Variants in PLCH2 observed in about 807,000 individuals in gnomAD.
The protein encoded by PLCH2 is phospholipase C eta 2, also known as 1-phosphatidylinositol 4,5-bisphosphate phosphodiesterase eta-2.
A neutral mutation model predicts 134.7 loss-of-function variants in PLCH2; 98 were observed. That is an observed-to-expected ratio of 0.73 (90% CI 0.62 to 0.86). The LOEUF (loss-of-function observed/expected upper bound fraction) is 0.86, where lower values mean the gene tolerates loss of function less well. Among genes scored for constraint, PLCH2 ranks in the 40% least tolerant of loss-of-function variants. PLCH2 has a pLI of 0.00. For missense variants in PLCH2, 1,994 were observed against 1,986.6 expected (o/e 1.00, Z -0.07); for synonymous variants, 974 against 827.5 (o/e 1.18, Z -3.04).
Position 2,458,652 on chromosome 1 carries a change from C to T in PLCH2, c.116-19824C>T, listed in dbSNP as rs116319775. ...CTGGAGCAGCCAGTGGCTGAGTGGCCGGAGGAGATGCCTGAGGAGGCTCTG... is the reference window on the plus strand; with the variant it reads ...CTGGAGCAGCCAGTGGCTGAGTGGCTGGAGGAGATGCCTGAGGAGGCTCTG... On this transcript the variant is annotated intron_variant, in intron 2 of 3. Coordinates refer to the PLCH2 transcript ENST00000609981. Among the ~76,000 whole-genome samples the T allele has an allele frequency of 1.4e-3, 207 of 152,054 alleles. 1 individual carries two copies. Among genetic ancestry groups the T allele is most frequent in the African/African-American group, 4.8e-3 (198 of 41,458 alleles).
upstream of PLCH2, among the ~76,000 whole-genome samples, chr1:2,463,455 G>C (rs1051544425): frequency 6.6e-6 from 1 of 152,224 alleles, no homozygotes; most frequent in Admixed American, 6.5e-5. Flanking sequence ...TGCTGAACGG[G>C]GCTGCAGCCG....
Position 2,505,180 on chromosome 1 carries a change from G to A in PLCH2, c.4218G>A (p.Ala1406=), listed in dbSNP as rs779257097. ...PSKGALGPAS[A]AAENLVLLRL ...AGGGAGCCCTCGGGCCAGCATCCGCGGCTGCTGAAAACCTGGTCCTGCTCC... is the reference window on the plus strand; with the variant it reads ...AGGGAGCCCTCGGGCCAGCATCCGCAGCTGCTGAAAACCTGGTCCTGCTCC... The change falls in exon 22 of 22, where the codon GCG becomes GCA. Residue 1406 remains alanine (A), a synonymous_variant. Transcript: ENST00000378486. 8.9e-6 allele frequency: 14 copies of A among 1,572,146 alleles called. No homozygotes were observed. Among genetic ancestry groups the A allele is most frequent in the Admixed American group, 7.0e-5 (4 of 57,132 alleles).
chr1:2,466,751 T>C (rs1227048608), upstream of PLCH2, among the ~76,000 whole-genome samples: 1 of 152,234 alleles, frequency 6.6e-6, no homozygotes, highest in East Asian at 1.9e-4. Flanking sequence ...GTCCCTCAGA[T>C]GCTGGGAGCA....
At chr1:2,419,534 G>T in the PLCH2 span, among the ~76,000 whole-genome samples, 1 of 152,148 alleles carries the variant, frequency 6.6e-6, no homozygotes, top group Non-Finnish European at 1.5e-5. Context: ...TGGCAGTGGG[G>T]TGCAGGGTCT....
At chr1:2,449,989 A>G (rs1023384018) in intron 2 of PLCH2, among the ~76,000 whole-genome samples, 3 of 152,226 alleles carry the variant, frequency 2.0e-5, no homozygotes, top group African/African-American at 4.8e-5. Flanking sequence ...CGCCAAGCTC[A>G]GCCCTGGGGA....
At chr1:2,469,869 GT>G (rs1313828243) in intron 1 of PLCH2, among the ~76,000 whole-genome samples, 1 of 152,240 alleles carries the variant, frequency 6.6e-6, no homozygotes, top group Admixed American at 6.5e-5. Flanking sequence ...ACTCACCGTG[GT>G]GGCCGCAGGC....
At chr1:2,483,134 G>A (rs1642067113) in intron 4 of PLCH2, among the ~76,000 whole-genome samples, 1 of 152,166 alleles carries the variant, frequency 6.6e-6, no homozygotes, top group African/African-American at 2.4e-5. Context: ...TCGACTTTTG[G>A]AGGTATTTCC....
intron 18 of PLCH2, 45 bp from the exon 19 acceptor site, chr1:2,499,039 C>T (rs1207617118): frequency 6.3e-7 from 1 of 1,582,140 alleles, no homozygotes; most frequent in Non-Finnish European, 8.6e-7. Flanking sequence ...CGGTGCTGGG[C>T]CGGGCCCTCC....
chr1:2,471,057 G>A lies in PLCH2; in HGVS notation c.43+3395G>A, dbSNP rs977279800. Among the ~76,000 whole-genome samples the A allele has an allele frequency of 4.1e-5, 6 of 147,078 alleles. No individual in the cohort carries two copies. In the South Asian group the frequency reaches 6.8e-4, roughly 17 times the overall value. ...GGGACACACAATGGGGGGGGCACTCGCGGTGGGGGGAGGAAGCTGTGAAAT... is the reference window on the plus strand; with the variant it reads ...GGGACACACAATGGGGGGGGCACTCACGGTGGGGGGAGGAAGCTGTGAAAT... On this transcript the variant is annotated intron_variant, in intron 1 of 21. Coordinates refer to the PLCH2 transcript ENST00000449969.
Position 2,484,493 on chromosome 1 carries a change from T to C in PLCH2, c.691T>C (p.Phe231Leu), listed in dbSNP as rs757426297. 29 of 1,612,746 alleles carry C rather than the reference T, an allele frequency of 1.8e-5. No individual in the cohort carries two copies. Among genetic ancestry groups the C allele is most frequent in the Admixed American group, 5.0e-5 (3 of 59,946 alleles). Residue 231 changes from phenylalanine (F) to leucine (L), a missense_variant, in exon 5 of 22, where the codon TTC (phenylalanine) becomes CTC (leucine). This residue lies in a region of PLCH2 where 1,094 missense variants were observed against 1,234.3 expected (regional missense o/e 0.89). Coordinates refer to ENST00000378486, the MANE Select transcript of PLCH2 (RefSeq NM_014638.4). ...CCAAGGGACGCTGGGTTTTGAAGAGTTCTGTGCCTTCTACAAGATGATGTC... is the reference window on the plus strand; with the variant it reads ...CCAAGGGACGCTGGGTTTTGAAGAGCTCTGTGCCTTCTACAAGATGATGTC... Reference protein sequence around the residue: ...DHQGTLGFEEFCAFYKMMSTR... With the variant: ...DHQGTLGFEELCAFYKMMSTR...
At position 2,504,107 on chromosome 1, in the gene PLCH2, G is replaced by A. The variant is rs1219190392; in HGVS notation, c.3145G>A (p.Glu1049Lys). The part of the protein sequence containing the change: ...ANVASPLEDT[E>K]EPRDSRPRPC... ...TGTGGCAAGCCCCCTAGAGGACACT[G>A]AGGAGCCCCGAGACAGCAGGCCTCG... The change falls in exon 22 of 22, where the codon GAG (glutamate) becomes AAG (lysine). Residue 1049 changes from glutamate (E) to lysine (K), a missense_variant. By Grantham distance (56) the Glu-to-Lys change is moderately conservative. Around this residue, in one of 2 missense-constraint regions of PLCH2, gnomAD observed 900 missense variants for 752.3 expected, o/e 1.20. Coordinates refer to ENST00000378486, the MANE Select transcript of PLCH2 (RefSeq NM_014638.4). 6.5e-7 allele frequency: 1 copy of A among 1,526,932 alleles called. No homozygotes were observed. The highest frequency in any genetic ancestry group is 2.2e-5 in the Admixed American group (1 of 45,468). The allele number at this position is 1,526,932 out of a possible 1,614,324, so 94.6% of individuals were successfully genotyped here. A position where few individuals can be genotyped will look rare whatever the true frequency, so the allele number is the denominator to read the frequency against.
chr1:2,480,362 G>C (rs763375114), intron 4 of PLCH2, 50 bp downstream of exon 4: 1 of 1,584,020 alleles, frequency 6.3e-7, no homozygotes, highest in Non-Finnish European at 8.6e-7. Flanking sequence ...GCTGCACGGG[G>C]GCTGTGCTTG....
Position 2,448,217 on chromosome 1 carries a change from C to A in PLCH2, c.115+17588C>A, listed in dbSNP as rs916266264. On this transcript the variant is annotated intron_variant, in intron 2 of 3. Transcript: ENST00000609981. This position sits in a 1 kb window ranked among gnomAD's most constrained non-coding sequence, Gnocchi z 4.0. ...GTGTGTTTCCTGCAGCTGCTGGGAC[C>A]GGCTGCCGTGCACTGGCCACTAAAA... Among the ~76,000 whole-genome samples the A allele has an allele frequency of 1.3e-5, 2 of 152,192 alleles. No individual in the cohort carries two copies. Among genetic ancestry groups the A allele is most frequent in the Admixed American group, 6.5e-5 (1 of 15,276 alleles).
intron 2 of PLCH2, among the ~76,000 whole-genome samples, chr1:2,432,753 C>T (rs1389202876): frequency 6.6e-6 from 1 of 152,212 alleles, no homozygotes; most frequent in Non-Finnish European, 1.5e-5. Context: ...AGGGTCAGAG[C>T]CCGCCGTGCA....
intron 2 of PLCH2, among the ~76,000 whole-genome samples, chr1:2,440,998 C>T (rs906766987): frequency 3.9e-5 from 6 of 152,318 alleles, no homozygotes; most frequent in South Asian, 2.1e-4. Context: ...CCCAGGAAAC[C>T]GCCCCGACCA....
At chr1:2,503,686 A>G (rs1483759314) in intron 21 of PLCH2, 2 of 658,812 alleles carry the variant, frequency 3.0e-6, no homozygotes, top group Non-Finnish European at 5.5e-6. Context: ...TCCCAGCCCA[A>G]GGAGGGCCCC....
intron 1 of PLCH2, among the ~76,000 whole-genome samples, chr1:2,478,099 C>A (rs1054775297): frequency 1.3e-5 from 2 of 152,238 alleles, no homozygotes; most frequent in Admixed American, 6.5e-5. Flanking sequence ...TGGTAGCTCT[C>A]GGGGCCCCAG....
chr1:2,433,988 C>T (rs933888420), intron 2 of PLCH2, among the ~76,000 whole-genome samples: 4 of 152,234 alleles, frequency 2.6e-5, no homozygotes, highest in Non-Finnish European at 4.4e-5. Flanking sequence ...GCAGTCTCCC[C>T]GGGCACCCAG....
At chr1:2,452,702 A>G (rs1237860457) in intron 2 of PLCH2, among the ~76,000 whole-genome samples, 2 of 152,298 alleles carry the variant, frequency 1.3e-5, no homozygotes, top group South Asian at 2.1e-4. Context: ...GGGTTCCCCA[A>G]CCAGAGGCTG....
Sources: allele counts gnomAD v4.1 joint callset (sites outside exome capture counted in the v4.1 genomes callset), GRCh38; gene constraint gnomAD v4.1.1; regional missense constraint gnomAD v4.1.1; non-coding constraint Gnocchi (gnomAD v3.1); transcripts MANE v1.5; gene names NCBI Gene and HGNC (gene_info 2026-07-23, HGNC 2026-07-21).